The following CAMKK2 variants were observed in gnomAD, a reference collection of about 807,000 sequenced individuals.
CAMKK2 encodes calcium/calmodulin-dependent protein kinase kinase 2.
In CAMKK2, 30 loss-of-function variants were observed where a neutral mutation model predicts 67.2. That is an observed-to-expected ratio of 0.45 (90% CI 0.33 to 0.61). CAMKK2 has a LOEUF of 0.61. CAMKK2 is among the 20% of genes least tolerant of loss of function. The probability of loss-of-function intolerance (pLI) is 0.02; values close to 1 mark genes in which losing one functional copy is unlikely to be tolerated. For synonymous variants in CAMKK2, 322 were observed against 326.2 expected (o/e 0.99, Z 0.14); for missense variants, 643 against 802.0 (o/e 0.80, Z 2.39).
intron 6 of CAMKK2, among the ~76,000 whole-genome samples, chr12:121,262,666 C>G (rs1300084827): frequency 6.6e-6 from 1 of 152,078 alleles, no homozygotes; most frequent in Non-Finnish European, 1.5e-5. Context: ...TGAAGTGATT[C>G]TCCCACCTCG....
At chr12:121,293,922 A>AT (rs71453549) in intron 1 of CAMKK2, among the ~76,000 whole-genome samples, 6,286 of 150,762 alleles carry the variant, frequency 0.042, 164 homozygotes, top group Middle Eastern at 0.096. Context: ...GGGGAGGGTG[A>AT]TTTTTTTTTG....
chr12:121,248,793 C>T, intron 13 of CAMKK2, 59 bp from the exon 14 acceptor site: 1 of 1,603,530 alleles, frequency 6.2e-7, no homozygotes, highest in East Asian at 2.2e-5. Context: ...GGGGGCCCTG[C>T]CAGCGAGCGG....
At chr12:121,250,538 C>T (rs1172116352) in intron 11 of CAMKK2, among the ~76,000 whole-genome samples, 1 of 152,192 alleles carries the variant, frequency 6.6e-6, no homozygotes, top group African/African-American at 2.4e-5. Context: ...TCCCACCATG[C>T]AGGTGTCTGA....
At chr12:121,255,235 T>TA (rs1403218346) in intron 9 of CAMKK2, among the ~76,000 whole-genome samples, 123 of 5,088 alleles carry the variant, frequency 0.024, 3 homozygotes, top group Non-Finnish European at 0.037. Flanking sequence ...TATATATAAT[T>TA]TTATATATAT....
At chr12:121,243,221 C>T (rs1165004833) in intron 16 of CAMKK2, among the ~76,000 whole-genome samples, 8 of 151,568 alleles carry the variant, frequency 5.3e-5, no homozygotes, top group Non-Finnish European at 1.0e-4. Context: ...TTAGTAGAGA[C>T]GGGGTTTCAC....
At chr12:121,286,006 G>A (rs1401864253) in intron 1 of CAMKK2, among the ~76,000 whole-genome samples, 1 of 152,206 alleles carries the variant, frequency 6.6e-6, no homozygotes, top group Non-Finnish European at 1.5e-5. Context: ...GTAATGGATG[G>A]AAAAGAGCTG....
intron 7 of CAMKK2, among the ~76,000 whole-genome samples, chr12:121,257,250 T>C (rs1355486029): frequency 1.3e-5 from 1 of 74,106 alleles, no homozygotes; most frequent in Non-Finnish European, 2.4e-5. Flanking sequence ...TTAAAAAAAC[T>C]TTTTTTTTTT....
chr12:121,277,923 C>T (rs184689093), intron 1 of CAMKK2, among the ~76,000 whole-genome samples: 2 of 152,092 alleles, frequency 1.3e-5, no homozygotes, highest in South Asian at 2.1e-4. Flanking sequence ...GGCGAGATTG[C>T]GCCACTGCAC....
chr12:121,255,772 G>C lies in CAMKK2; in HGVS notation c.818+11C>G, dbSNP rs199896339. 6.2e-7 allele frequency: 1 copy of C among 1,613,682 alleles called. No individual in the cohort carries two copies. The highest frequency in any genetic ancestry group is 1.3e-5 in the African/African-American group (1 of 74,888). On this transcript the variant is annotated intron_variant, in intron 8 of 16. Transcript: ENST00000404169. ...TCTTGCATCACCCCTGCTGGGAGCTGGGACACTCACCCTTGGTTGACCAGT... is the reference window on the plus strand; with the variant it reads ...TCTTGCATCACCCCTGCTGGGAGCTCGGACACTCACCCTTGGTTGACCAGT...
At chr12:121,255,900 G>A in intron 7 of CAMKK2, 96 bp from the exon 8 acceptor site, 1 of 1,147,942 alleles carries the variant, frequency 8.7e-7, no homozygotes, top group Non-Finnish European at 1.3e-6. Flanking sequence ...GAAACACCAA[G>A]AAAGACAGAA....
In CAMKK2 at chr12:121,276,208, T is replaced by G. The variant is rs139768614; in HGVS notation, c.-59-1623A>C. Among the ~76,000 whole-genome samples, 15 of 146,492 alleles carry G rather than the reference T, an allele frequency of 1.0e-4. No homozygotes were observed. The East Asian group carries it at 3.0e-3, about 30-fold the overall frequency. On this transcript the variant is annotated intron_variant, in intron 1 of 16. Transcript: ENST00000404169. ...AGTCGGACACAGTGGTTCATACCTG[T>G]AATCCTCCCAGCACTTTGGGAGGCC...
At chr12:121,282,988 C>T (rs1163031629) in intron 1 of CAMKK2, among the ~76,000 whole-genome samples, 1 of 152,142 alleles carries the variant, frequency 6.6e-6, no homozygotes, top group Non-Finnish European at 1.5e-5. Flanking sequence ...CTACTGACCT[C>T]AGATGATCCA....
intron 6 of CAMKK2, among the ~76,000 whole-genome samples, chr12:121,262,832 T>C (rs1475203523): frequency 6.6e-6 from 1 of 152,168 alleles, no homozygotes; most frequent in African/African-American, 2.4e-5. Flanking sequence ...AGTGCTGGGA[T>C]TATAGGCGTG....
chr12:121,249,527 G>A (rs1447402876), intron 13 of CAMKK2, among the ~76,000 whole-genome samples: 1 of 152,190 alleles, frequency 6.6e-6, no homozygotes. Flanking sequence ...TGCAGAGGGT[G>A]GATCCCATCA....
At chr12:121,267,754 A>G (rs1013786373) in intron 5 of CAMKK2, among the ~76,000 whole-genome samples, 2 of 151,856 alleles carry the variant, frequency 1.3e-5, no homozygotes, top group African/African-American at 4.8e-5. Flanking sequence ...TCGGCCTCCC[A>G]GAGTGCTGGG....
rs1399096342 is a variant in CAMKK2, at chr12:121,296,524, G to C, written c.-60+114C>G. On this transcript the variant is annotated intron_variant, in intron 1 of 16. Transcript: ENST00000404169. This position sits in a 1 kb window ranked among gnomAD's most constrained non-coding sequence, Gnocchi z 7.1. ...TGTTGGGAGCCCCAGGCCAGCCTCCGGGCTTTGTGTGCCATGCCGGCGGCG... is the reference window on the plus strand; with the variant it reads ...TGTTGGGAGCCCCAGGCCAGCCTCCCGGCTTTGTGTGCCATGCCGGCGGCG... The C allele has an allele frequency of 6.6e-6, 1 of 152,090 alleles. No individual in the cohort carries two copies. The highest frequency in any genetic ancestry group is 1.5e-5 in the Non-Finnish European group (1 of 68,006). The allele number at this position is 152,090 out of a possible 1,614,324, so 9.4% of individuals were successfully genotyped here. A position where few individuals can be genotyped will look rare whatever the true frequency, so the allele number is the denominator to read the frequency against.
At chr12:121,294,137 T>C (rs1323369188) in intron 1 of CAMKK2, among the ~76,000 whole-genome samples, 1 of 151,758 alleles carries the variant, frequency 6.6e-6, no homozygotes, top group Non-Finnish European at 1.5e-5. Context: ...TTCACCATGT[T>C]GGCCAGGCTG....
upstream of CAMKK2, chr12:121,297,630 GA>G (rs1453503514): frequency 1.9e-6 from 1 of 517,462 alleles, no homozygotes; most frequent in East Asian, 5.5e-5. Flanking sequence ...AGGGCTCCCT[GA>G]ACCGTCCTAC....
rs76155360 is a variant in CAMKK2 at position 121,249,958 on chromosome 12, C to T, written c.1235+3G>A. 8,506 of 1,613,992 alleles carry T rather than the reference C, an allele frequency of 5.3e-3. 373 individuals carry two copies. The African/African-American group carries it at 0.095, about 18-fold the overall frequency. ...GAGATGCGGGACGGCGGGAGATACT[C>T]ACTGGTCTGGAAATTCCAGGGCCTG... is the stretch of plus-strand genomic sequence containing the variant. On this transcript the variant is annotated splice_donor_region_variant and intron_variant, in intron 12 of 16. Transcript: ENST00000404169.
Sources: gnomAD v4.1 joint callset for allele counts (sites outside exome capture counted in the v4.1 genomes callset) on GRCh38, gnomAD v4.1.1 for gene constraint, Gnocchi (gnomAD v3.1) non-coding constraint, MANE v1.5 for transcripts, NCBI Gene and HGNC (gene_info 2026-07-23, HGNC 2026-07-21) for gene names.